Variants in GRK1 observed in about 807,000 individuals in gnomAD.
The protein encoded by GRK1 is rhodopsin kinase GRK1.
A neutral mutation model predicts 41.7 loss-of-function variants in GRK1; 28 were observed. The observed-to-expected ratio is 0.67, with a 90% CI of 0.50 to 0.92. The LOEUF (loss-of-function observed/expected upper bound fraction) is 0.92. Among genes scored for constraint, GRK1 ranks in the 40% least tolerant of loss-of-function variants. The pLI, the probability that GRK1 is intolerant of heterozygous loss-of-function variation, is 0.00. For synonymous variants in GRK1, 327 were observed against 286.7 expected, an observed-to-expected ratio of 1.14 and a Z score of -1.42; for missense variants, 703 against 671.2, an observed-to-expected ratio of 1.05 and a Z score of -0.52.
upstream of GRK1, among the ~76,000 whole-genome samples, chr13:113,665,179 G>A (rs2049809714): frequency 6.6e-6 from 1 of 152,304 alleles, no homozygotes; most frequent in South Asian, 2.1e-4. Context: ...GCGACCCTTT[G>A]CTTCCTCCCT....
intron 2 of GRK1, among the ~76,000 whole-genome samples, chr13:113,670,346 C>T (rs77657389): frequency 0.011 from 1,736 of 152,292 alleles, 37 homozygotes; most frequent in African/African-American, 0.04. Flanking sequence ...ATCACAGGCT[C>T]GCTTGGTAGC....
Position 113,735,143 on chromosome 13 carries a change from C to T in GRK1, c.1472C>T (p.Ser491Phe). The change falls in exon 7 of 7, where the codon TCC (serine) becomes TTC (phenylalanine). Residue 491 changes from serine (S) to phenylalanine (F), a missense_variant. Coordinates refer to ENST00000335678, the MANE Select transcript of GRK1 (RefSeq NM_002929.3). Reference sequence around the variant, plus strand: ...GATATTCAGGACGTGGGTGCCTTTTCCACCGTCAAAGGTGTGGCCTTTGAC... The same window carrying T: ...GATATTCAGGACGTGGGTGCCTTTTTCACCGTCAAAGGTGTGGCCTTTGAC... ...AKDIQDVGAF[S>F]TVKGVAFDKT... The T allele has an allele frequency of 6.5e-7, 1 of 1,537,150 alleles. No homozygotes were observed. The highest frequency in any genetic ancestry group is 2.4e-5 in the East Asian group (1 of 40,922).
the GRK1 span, chr13:113,658,315 A>C: frequency 1.6e-6 from 1 of 639,710 alleles, no homozygotes; most frequent in African/African-American, 1.8e-5. Flanking sequence ...CCATCGCCTC[A>C]CCAAACACCA....
At chr13:113,733,528 C>CGTGTGTGT (rs1555361105) in intron 6 of GRK1, among the ~76,000 whole-genome samples, 1 of 110,266 alleles carries the variant, frequency 9.1e-6, no homozygotes, top group African/African-American at 3.0e-5. Context: ...TGCATGTGTG[C>CGTGTGTGT]GCGTGTGTGC....
At chr13:113,664,029 A>G (rs1235464158), upstream of GRK1, among the ~76,000 whole-genome samples, 1 of 152,228 alleles carries the variant, frequency 6.6e-6, no homozygotes, top group Non-Finnish European at 1.5e-5. The surrounding 1 kb of genome is among the most constrained non-coding windows in gnomAD (Gnocchi z 5.4). Flanking sequence ...GCCGTCCTTC[A>G]ACCGGTGAAC....
rs527990116 is a variant in GRK1 at position 113,730,660 on chromosome 13, G to A, written c.1070-559G>A. ...TTAAGGGCCTTCTTGGCAGAAGACT[G>A]GGACCGGACCACCTCTCTGGAGAGG... On this transcript the variant is annotated intron_variant, in intron 4 of 6. Coordinates refer to ENST00000335678, the MANE Select transcript of GRK1 (RefSeq NM_002929.3). Among the ~76,000 whole-genome samples, 85 of 152,344 alleles carry A rather than the reference G, an allele frequency of 5.6e-4. No homozygotes were observed. The South Asian group carries it at 5.6e-3, about 10-fold the overall frequency.
At chr13:113,656,282 G>A in the GRK1 span, among the ~76,000 whole-genome samples, 7 of 152,172 alleles carry the variant, frequency 4.6e-5, no homozygotes, top group African/African-American at 1.4e-4. Context: ...ACCTACGCTC[G>A]TGACGGCAGG....
rs1379311816 is a variant in GRK1, at chr13:113,671,745, G to C, written c.985+89G>C. 1.4e-6 allele frequency: 1 copy of C among 691,960 alleles called. No individual in the cohort carries two copies. Among genetic ancestry groups the C allele is most frequent in the Non-Finnish European group, 2.6e-6 (1 of 378,900 alleles). The allele number at this position is 691,960 out of a possible 1,614,324, so 42.9% of individuals were successfully genotyped here. On this transcript the variant is annotated intron_variant, in intron 3 of 6. Transcript: ENST00000335678. This position sits in a 1 kb window ranked among gnomAD's most constrained non-coding sequence, Gnocchi z 4.1. ...GGGGTCTCTGCACAACCTCACGAGG[G>C]CTGACGGCTGTGTGGACGGTGGGGG...
chr13:113,733,803 C>CGCG (rs1566699996), intron 6 of GRK1, among the ~76,000 whole-genome samples: 18 of 70,762 alleles, frequency 2.5e-4, no homozygotes, highest in South Asian at 9.0e-4. Context: ...GTATGTGTAT[C>CGCG]TGTGTGCATA....
rs754373105 is a variant in GRK1 at position 113,735,327 on chromosome 13, C to G, written c.1656C>G (p.Ser552Arg). The G allele has an allele frequency of 1.4e-5, 21 of 1,525,084 alleles. No individual in the cohort carries two copies. The highest frequency in any genetic ancestry group is 5.5e-5 in the African/African-American group (4 of 72,784). 94.5% of individuals were successfully genotyped at this position (1,525,084 alleles called of 1,614,324 possible). ...TGAAGGGCATCTCCGGGGGCTCCAG[C>G]TCCTCGTCCAAGTCAGGGATGTGTC... ...DDMKGISGGS[S>R]SSSKSGMCLV... The change falls in exon 7 of 7, where the codon AGC becomes AGG. Residue 552 changes from serine to arginine, a missense_variant. Ser to Arg is a moderately radical substitution (Grantham distance 110). Transcript: ENST00000335678.
chr13:113,669,815 G>T lies in GRK1; in HGVS notation c.827+1G>T. ...CCATCATGAACGGAGGTGACATCAG[G>T]TAAGGGCTGGGCCAGAGGGCACGAG... On this transcript the variant is annotated splice_donor_variant, in intron 2 of 6. Transcript: ENST00000335678. LOFTEE classifies it high-confidence loss of function. The T allele has an allele frequency of 6.2e-7, 1 of 1,613,830 alleles. No homozygotes were observed. The highest frequency in any genetic ancestry group is 8.5e-7 in the Non-Finnish European group (1 of 1,179,784).
At chr13:113,659,361 G>C in the GRK1 span, among the ~76,000 whole-genome samples, 11 of 152,212 alleles carry the variant, frequency 7.2e-5, no homozygotes, top group African/African-American at 2.4e-4. Context: ...AGCCCTGTGT[G>C]TCCAGAATTA....
chr13:113,733,968 G>GTGTGTGCATA (rs879935844), intron 6 of GRK1, among the ~76,000 whole-genome samples: 8,054 of 123,662 alleles, frequency 0.065, 371 homozygotes, highest in Middle Eastern at 0.12. Flanking sequence ...ACGTGTGTGT[G>GTGTGTGCATA]CGTGTGTGCG....
chr13:113,667,427 C>G lies in GRK1; in HGVS notation c.41C>G (p.Ala14Gly). The G allele has an allele frequency of 6.2e-7, 1 of 1,602,270 alleles. No homozygotes were observed. The highest frequency in any genetic ancestry group is 2.2e-5 in the East Asian group (1 of 44,506). ...TTGGAGACCGTGGTGGCCAACTCTG[C>G]CTTCATCGCCGCCCGAGGCAGCTTT... ...GSLETVVANS[A>G]FIAARGSFDG... The change falls in exon 1 of 7, where the codon GCC becomes GGC. Residue 14 changes from alanine (A) to glycine (G), a missense_variant. Ala to Gly is a moderately conservative substitution (Grantham distance 60). Coordinates refer to ENST00000335678, the MANE Select transcript of GRK1 (RefSeq NM_002929.3). The surrounding 1 kb of genome is among the most constrained non-coding windows in gnomAD (Gnocchi z 7.5).
chr13:113,733,152 C>T, intron 6 of GRK1, 67 bp downstream of exon 6: 1 of 1,450,960 alleles, frequency 6.9e-7, no homozygotes, highest in Non-Finnish European at 9.2e-7. Flanking sequence ...GGGTGTCCGC[C>T]CGGTCCAGCC....
upstream of GRK1, among the ~76,000 whole-genome samples, chr13:113,662,659 G>C (rs1030190926): frequency 6.6e-6 from 1 of 152,150 alleles, no homozygotes; most frequent in African/African-American, 2.4e-5. Flanking sequence ...CTAGCAATAG[G>C]CATATGGATA....
chr13:113,731,427 T>A lies in GRK1; in HGVS notation c.1194+84T>A. Reference sequence around the variant, plus strand: ...GACGGGGCAGTGATGGGATCGTTACTGGGGCAGACCTGGGAGTTGTTCTGT... The same window carrying A: ...GACGGGGCAGTGATGGGATCGTTACAGGGGCAGACCTGGGAGTTGTTCTGT... On this transcript the variant is annotated intron_variant, in intron 5 of 6. Transcript: ENST00000335678. This position sits in a 1 kb window ranked among gnomAD's most constrained non-coding sequence, Gnocchi z 5.6. 1 of 1,510,300 alleles carries A rather than the reference T, an allele frequency of 6.6e-7. No individual in the cohort carries two copies. The highest frequency in any genetic ancestry group is 1.4e-5 in the African/African-American group (1 of 72,494). The allele number at this position is 1,510,300 out of a possible 1,614,324, so 93.6% of individuals were successfully genotyped here. A position where few individuals can be genotyped will look rare whatever the true frequency, so the allele number is the denominator to read the frequency against.
chr13:113,670,082 G>C (rs1354490456), intron 2 of GRK1, among the ~76,000 whole-genome samples: 4 of 152,182 alleles, frequency 2.6e-5, no homozygotes, highest in Admixed American at 1.3e-4. Flanking sequence ...TGGGAGGCAC[G>C]TGGTGCTGTG....
At chr13:113,654,352 T>TG in the GRK1 span, among the ~76,000 whole-genome samples, 44 of 152,224 alleles carry the variant, frequency 2.9e-4, no homozygotes, top group Non-Finnish European at 5.3e-4. Flanking sequence ...CCTCTGTCCT[T>TG]GCACCCTGCT....
Sources: gnomAD v4.1 joint callset for allele counts (sites outside exome capture counted in the v4.1 genomes callset) on GRCh38, gnomAD v4.1.1 for gene constraint, Gnocchi (gnomAD v3.1) non-coding constraint, MANE v1.5 for transcripts, NCBI Gene and HGNC (gene_info 2026-07-23, HGNC 2026-07-21) for gene names.